TCF20: variants seen among roughly 807,000 people sequenced by gnomAD.
TCF20 encodes transcription factor 20, also known as SPRE-binding protein.
TCF20 carries 3 observed loss-of-function variants against 148.6 expected under a neutral mutation model. The observed-to-expected ratio is 0.02, with a 90% CI of 0.01 to 0.05. The LOEUF (loss-of-function observed/expected upper bound fraction) is 0.05. Among genes scored for constraint, TCF20 ranks in the 10% least tolerant of loss-of-function variants. TCF20 has a pLI of 1.00. For synonymous variants in TCF20, 1,049 were observed against 909.5 expected (o/e 1.15, Z -2.76); for missense variants, 2,350 against 2,429.3 (o/e 0.97, Z 0.69).
At chr22:42,270,256 C>A (rs928525266) in intron 1 of TCF20, among the ~76,000 whole-genome samples, 83 bp downstream of exon 1, 26 of 151,922 alleles carry the variant, frequency 1.7e-4, no homozygotes, top group Non-Finnish European at 2.9e-5. Flanking sequence ...CTGCTCCCAG[C>A]CCCCGAGGCC....
intron 1 of TCF20, among the ~76,000 whole-genome samples, chr22:42,301,168 G>C (rs534119153): frequency 5.8e-4 from 89 of 152,364 alleles, no homozygotes; most frequent in African/African-American, 2.0e-3. Context: ...CAGAAATGCG[G>C]AAGTTTATCT....
intron 1 of TCF20, among the ~76,000 whole-genome samples, chr22:42,218,002 G>A (rs1203177213): frequency 6.6e-6 from 1 of 152,200 alleles, no homozygotes; most frequent in Non-Finnish European, 1.5e-5. Context: ...GAATCTAAAG[G>A]AAACTTCTCA....
In TCF20 at chr22:42,214,747, G is replaced by A. The variant is rs1289771903; in HGVS notation, c.559C>T (p.Leu187Phe). The A allele has an allele frequency of 6.2e-7, 1 of 1,614,088 alleles. No homozygotes were observed. The highest frequency in any genetic ancestry group is 8.5e-7 in the Non-Finnish European group (1 of 1,180,012). The change falls in exon 2 of 6, where the codon CTT becomes TTT. Residue 187 changes from leucine to phenylalanine, a missense_variant. This residue lies in a region of TCF20 where 1,641 missense variants were observed against 1,662.6 expected (regional missense o/e 0.99). Coordinates refer to ENST00000677622, the MANE Select transcript of TCF20 (RefSeq NM_001378418.1). Reference protein sequence around the residue: ...QQQVQQLRQQLYQSHQPLPQA... With the variant: ...QQQVQQLRQQFYQSHQPLPQA... ...GGCAGGGGCTGATGGGACTGGTAAA[G>A]CTGTTGTCTCAACTGCTGGACTTGC...
intron 1 of TCF20, among the ~76,000 whole-genome samples, chr22:42,259,460 C>T (rs1925918536): frequency 6.6e-6 from 1 of 152,158 alleles, no homozygotes; most frequent in East Asian, 1.9e-4. Context: ...ATACATGCAA[C>T]CTCCAAGTCT....
intron 1 of TCF20, among the ~76,000 whole-genome samples, chr22:42,251,281 G>A (rs1280476312): frequency 6.6e-6 from 1 of 151,840 alleles, no homozygotes; most frequent in African/African-American, 2.4e-5. Context: ...CTGCCTCCCA[G>A]ACCCAAGAGA....
intron 1 of TCF20, among the ~76,000 whole-genome samples, chr22:42,223,017 C>T (rs1324189736): frequency 6.6e-6 from 1 of 152,126 alleles, no homozygotes; most frequent in Non-Finnish European, 1.5e-5. Context: ...GGTGTGCTGG[C>T]TTGTGCCTGT....
chr22:42,295,592 C>T (rs1472629870), intron 1 of TCF20, among the ~76,000 whole-genome samples: 1 of 152,082 alleles, frequency 6.6e-6, no homozygotes, highest in East Asian at 1.9e-4. Flanking sequence ...TACAGGCAGG[C>T]ACCACCACGC....
intron 1 of TCF20, among the ~76,000 whole-genome samples, chr22:42,234,869 G>A (rs2147288855): frequency 6.6e-6 from 1 of 152,292 alleles, no homozygotes; most frequent in East Asian, 1.9e-4. Context: ...GCCGGGTGCA[G>A]TGGCTCACGC....
intron 1 of TCF20, among the ~76,000 whole-genome samples, chr22:42,255,602 G>C (rs1168381991): frequency 6.6e-6 from 1 of 152,084 alleles, no homozygotes; most frequent in East Asian, 1.9e-4. Flanking sequence ...GAATCAACAT[G>C]GGTTGATGCC....
At chr22:42,318,207 C>G (rs536795878) in intron 1 of TCF20, among the ~76,000 whole-genome samples, 2 of 152,358 alleles carry the variant, frequency 1.3e-5, no homozygotes, top group Admixed American at 1.3e-4. Flanking sequence ...ACGGCTGGAT[C>G]TGGCTATACC....
Position 42,215,226 on chromosome 22 carries a change from A to G in TCF20, c.80T>C (p.Leu27Pro). ...YPQEVHGSSRLEEFSPRQAQM... is the reference protein window; with the variant it reads ...YPQEVHGSSRPEEFSPRQAQM... ...GGCCTGACGAGGGCTGAACTCTTCT[A>G]GCCGGGATGAGCCGTGTACCTCCTG... The change falls in exon 2 of 6, where the codon CTA becomes CCA. Residue 27 changes from leucine (L) to proline (P), a missense_variant. This residue lies in a region of TCF20 where 1,641 missense variants were observed against 1,662.6 expected (regional missense o/e 0.99). Transcript: ENST00000677622. 1.9e-6 allele frequency: 3 copies of G among 1,614,166 alleles called. No individual in the cohort carries two copies. Among genetic ancestry groups the G allele is most frequent in the Non-Finnish European group, 2.5e-6 (3 of 1,180,020 alleles).
intron 1 of TCF20, among the ~76,000 whole-genome samples, chr22:42,230,829 A>G (rs1037194472): frequency 5.9e-5 from 9 of 152,186 alleles, no homozygotes; most frequent in African/African-American, 1.9e-4. Context: ...GTTTTTAACA[A>G]AAGTGTTTAA....
intron 4 of TCF20, 111 bp downstream of exon 4, chr22:42,169,736 C>T: frequency 9.1e-7 from 1 of 1,104,846 alleles, no homozygotes; most frequent in Non-Finnish European, 1.3e-6. Context: ...GCCGGAGGCA[C>T]AGGTGGGGAC....
intron 3 of TCF20, among the ~76,000 whole-genome samples, chr22:42,171,799 A>G (rs1428882159): frequency 6.6e-6 from 1 of 152,150 alleles, no homozygotes; most frequent in Non-Finnish European, 1.5e-5. Flanking sequence ...GTTTGGGCCA[A>G]ACAGAAACAG....
intron 2 of TCF20, among the ~76,000 whole-genome samples, chr22:42,185,500 T>C (rs1187424339): frequency 1.3e-5 from 2 of 152,190 alleles, no homozygotes; most frequent in African/African-American, 4.8e-5. Context: ...GAACAAGGTA[T>C]GTGTTCATTT....
chr22:42,234,048 C>A (rs1923660627), intron 1 of TCF20, among the ~76,000 whole-genome samples: 3 of 152,194 alleles, frequency 2.0e-5, no homozygotes, highest in Admixed American at 2.0e-4. Context: ...TGAAAACTTA[C>A]TTTCCCTATA....
chr22:42,212,456 G>C lies in TCF20; in HGVS notation c.2850C>G (p.His950Gln). The change falls in exon 2 of 6, where the codon CAC becomes CAG. Residue 950 changes from histidine to glutamine, a missense_variant. His to Gln is a conservative substitution (Grantham distance 24). Transcript: ENST00000677622. ...CATGCTTGATGCTAGGAGGATGGCA[G>C]TGGTCTCCAGATTTCTTGTTGTTGA... ...ASFNNKKSGD[H>Q]CHPPSIKHES... 4 of 1,614,242 alleles carry C rather than the reference G, an allele frequency of 2.5e-6. No homozygotes were observed. The highest frequency in any genetic ancestry group is 3.4e-6 in the Non-Finnish European group (4 of 1,180,046).
At position 42,209,620 on chromosome 22, in the gene TCF20, C is replaced by A. The variant is rs371298335; in HGVS notation, c.5655+31G>T. On this transcript the variant is annotated intron_variant, in intron 2 of 5. Transcript: ENST00000677622. Reference sequence around the variant, plus strand: ...AAAAGGAACCAAATGAAATAAAAATCCCAAGCTGGTAAGAGATTTCTCATA... The same window carrying A: ...AAAAGGAACCAAATGAAATAAAAATACCAAGCTGGTAAGAGATTTCTCATA... 4.3e-5 allele frequency: 66 copies of A among 1,549,272 alleles called. No individual in the cohort carries two copies. In the African/African-American group the frequency reaches 7.8e-4, roughly 18 times the overall value.
At chr22:42,172,564 C>A (rs942541046) in intron 3 of TCF20, among the ~76,000 whole-genome samples, 1 of 152,196 alleles carries the variant, frequency 6.6e-6, no homozygotes, top group Non-Finnish European at 1.5e-5. Flanking sequence ...CAAACATCAA[C>A]CCCCAGAAGA....
Sources: gnomAD v4.1 joint callset for allele counts (sites outside exome capture counted in the v4.1 genomes callset) on GRCh38, gnomAD v4.1.1 for gene constraint, gnomAD v4.1.1 regional missense constraint, MANE v1.5 for transcripts, NCBI Gene and HGNC (gene_info 2026-07-23, HGNC 2026-07-21) for gene names.